The following ZFYVE28 variants were observed in gnomAD, a reference collection of about 807,000 sequenced individuals.
ZFYVE28 encodes the protein zinc finger FYVE-type containing 28, also known as lateral signaling target protein 2 homolog.
ZFYVE28 carries 40 observed loss-of-function variants against 82.1 expected under a neutral mutation model. That is an observed-to-expected ratio of 0.49 (90% CI 0.38 to 0.63). The LOEUF is 0.63. ZFYVE28 is among the 30% of genes least tolerant of loss of function. The pLI is 0.00. For synonymous variants in ZFYVE28, 612 were observed against 546.1 expected, an observed-to-expected ratio of 1.12 and a Z score of -1.68; for missense variants, 1,321 against 1,242.1, an observed-to-expected ratio of 1.06 and a Z score of -0.96.
In ZFYVE28 at chr4:2,339,711, G is replaced by T. The variant is rs1722458347; in HGVS notation, c.319-56C>A. On this transcript the variant is annotated intron_variant, in intron 3 of 12. Coordinates refer to ENST00000290974, the MANE Select transcript of ZFYVE28 (RefSeq NM_020972.3). The surrounding 1 kb of genome is among the most constrained non-coding windows in gnomAD (Gnocchi z 5.0). ...CCGGGTGAGGGCCAGGCTCTCAGGGGTCGCCGACCCGGGGAACCTGACTGC... is the reference window on the plus strand; with the variant it reads ...CCGGGTGAGGGCCAGGCTCTCAGGGTTCGCCGACCCGGGGAACCTGACTGC... The T allele has an allele frequency of 5.3e-6, 8 of 1,507,638 alleles. No individual in the cohort carries two copies. In the Admixed American group the frequency reaches 1.5e-4, roughly 28 times the overall value. 93.4% of individuals were successfully genotyped at this position (1,507,638 alleles called of 1,614,324 possible).
At chr4:2,326,454 C>T (rs933268102) in intron 6 of ZFYVE28, among the ~76,000 whole-genome samples, 1 of 152,136 alleles carries the variant, frequency 6.6e-6, no homozygotes. Context: ...CTTTGTAGTA[C>T]AGTTTAAAAT....
At chr4:2,310,196 G>A (rs937120443) in intron 7 of ZFYVE28, among the ~76,000 whole-genome samples, 1 of 151,908 alleles carries the variant, frequency 6.6e-6, no homozygotes, top group African/African-American at 2.4e-5. Flanking sequence ...GTACCACCAT[G>A]CTCAACTAAT....
intron 7 of ZFYVE28, among the ~76,000 whole-genome samples, chr4:2,318,111 G>A (rs573785771): frequency 6.6e-6 from 1 of 152,198 alleles, no homozygotes. Context: ...GAGCTTCTCT[G>A]CCTGGGAAGC....
chr4:2,392,641 A>G (rs572865441), intron 1 of ZFYVE28, among the ~76,000 whole-genome samples: 1 of 152,358 alleles, frequency 6.6e-6, no homozygotes, highest in African/African-American at 2.4e-5. Context: ...CTTAAATCAT[A>G]TTAAATTATT....
At position 2,355,252 on chromosome 4, in the gene ZFYVE28, ATATATATATATATATATAT is replaced by A. The variant is rs1268046125; in HGVS notation, c.40-1198_40-1180del. Among the ~76,000 whole-genome samples, 64 of 19,612 alleles carry A rather than the reference ATATATATATATATATATAT, an allele frequency of 3.3e-3. 9 individuals are homozygous for A. Among genetic ancestry groups the A allele is most frequent in the African/African-American group, 7.8e-3 (25 of 3,210 alleles). 12.9% of individuals were successfully genotyped at this position (19,612 alleles called of 152,430 possible). A position where few individuals can be genotyped will look rare whatever the true frequency, so the allele number is the denominator to read the frequency against. ...TATATATATATATATATATATATAT[ATATATATATATATATATAT>A]AATGATTCTTCTTTTTTTTTTTTTT... On this transcript the variant is annotated intron_variant, in intron 1 of 12. Transcript: ENST00000290974.
chr4:2,399,697 C>T (rs935501553), intron 1 of ZFYVE28, among the ~76,000 whole-genome samples: 2 of 152,250 alleles, frequency 1.3e-5, no homozygotes, highest in East Asian at 1.9e-4. Flanking sequence ...CGCCTGCCTC[C>T]CACCCAGCAA....
At chr4:2,314,791 CTTT>C (rs34058962) in intron 7 of ZFYVE28, among the ~76,000 whole-genome samples, 3 of 152,088 alleles carry the variant, frequency 2.0e-5, no homozygotes, top group African/African-American at 7.2e-5. Context: ...TCTTGCATTA[CTTT>C]TTTTAAGACA....
At chr4:2,356,914 T>C (rs1269051612) in intron 1 of ZFYVE28, among the ~76,000 whole-genome samples, 1 of 152,176 alleles carries the variant, frequency 6.6e-6, no homozygotes, top group Admixed American at 6.5e-5. Flanking sequence ...AGTCTCACTC[T>C]GCTGTCCAGG....
chr4:2,309,564 C>T (rs528449406), intron 7 of ZFYVE28, among the ~76,000 whole-genome samples: 2 of 150,852 alleles, frequency 1.3e-5, no homozygotes, highest in South Asian at 4.3e-4. Context: ...GGTACTTGAT[C>T]ACGTTATCTA....
rs1374566453 is a variant in ZFYVE28 at position 2,418,340 on chromosome 4, G to A, written c.-17C>T. On this transcript the variant is annotated 5_prime_UTR_variant, in exon 1 of 13. Coordinates refer to ENST00000290974, the MANE Select transcript of ZFYVE28 (RefSeq NM_020972.3). The surrounding 1 kb of genome is among the most constrained non-coding windows in gnomAD (Gnocchi z 4.6). ...GTTCATCATCGCCGCGCCGGCCCTG[G>A]CCGGACTCCGGGCGGCCCTCGCCCT... is the stretch of plus-strand genomic sequence containing the variant. 6.7e-7 allele frequency: 1 copy of A among 1,501,612 alleles called. No homozygotes were observed. The highest frequency in any genetic ancestry group is 8.9e-7 in the Non-Finnish European group (1 of 1,122,482). 93.0% of individuals were successfully genotyped at this position (1,501,612 alleles called of 1,614,324 possible). A position where few individuals can be genotyped will look rare whatever the true frequency, so the allele number is the denominator to read the frequency against.
intron 2 of ZFYVE28, among the ~76,000 whole-genome samples, chr4:2,353,601 C>T (rs1295521570): frequency 6.6e-6 from 1 of 152,088 alleles, no homozygotes; most frequent in Non-Finnish European, 1.5e-5. Context: ...TGCATGGTAC[C>T]CAAGCTCTGC....
In ZFYVE28 at chr4:2,304,732, G is replaced by C; in HGVS notation, c.1608C>G (p.Ala536=). Residue 536 remains alanine, a synonymous_variant, in exon 8 of 13, where the codon GCC becomes GCG. Transcript: ENST00000290974. ...SLDSAVATQE[A]ASEPVAEGMD... Reference sequence around the variant, plus strand: ...TCCCCTCGGCCACGGGCTCCGAGGCGGCCTCCTGGGTGGCGACCGCAGAGT... The same window carrying C: ...TCCCCTCGGCCACGGGCTCCGAGGCCGCCTCCTGGGTGGCGACCGCAGAGT... 1 of 1,612,682 alleles carries C rather than the reference G, an allele frequency of 6.2e-7. No homozygotes were observed. The highest frequency in any genetic ancestry group is 8.5e-7 in the Non-Finnish European group (1 of 1,179,952).
At chr4:2,399,691 T>G (rs1730963659) in intron 1 of ZFYVE28, among the ~76,000 whole-genome samples, 1 of 152,240 alleles carries the variant, frequency 6.6e-6, no homozygotes. Context: ...AGAAGCCGCC[T>G]GCCTCCCACC....
intron 2 of ZFYVE28, among the ~76,000 whole-genome samples, chr4:2,349,724 C>T (rs1320667497): frequency 6.8e-6 from 1 of 147,018 alleles, no homozygotes; most frequent in Non-Finnish European, 1.5e-5. Flanking sequence ...CAGTATTTAT[C>T]GAGTAAAAAA....
intron 1 of ZFYVE28, among the ~76,000 whole-genome samples, chr4:2,400,059 G>A (rs547880987): frequency 4.3e-4 from 66 of 152,364 alleles, no homozygotes; most frequent in Non-Finnish European, 2.4e-4. Flanking sequence ...TCCACATGGA[G>A]GGTCCTTCCC....
intron 6 of ZFYVE28, among the ~76,000 whole-genome samples, chr4:2,327,306 A>ATATC (rs1720032105): frequency 1.5e-5 from 1 of 64,984 alleles, no homozygotes; most frequent in South Asian, 5.0e-4. Context: ...ATATATATAT[A>ATATC]TATCGAATAA....
intron 1 of ZFYVE28, among the ~76,000 whole-genome samples, chr4:2,385,871 G>A (rs1205721542): frequency 2.0e-5 from 3 of 152,202 alleles, no homozygotes; most frequent in Non-Finnish European, 4.4e-5. Context: ...GGTTCTCCGG[G>A]AAGTTAAAAT....
intron 1 of ZFYVE28, among the ~76,000 whole-genome samples, chr4:2,370,867 C>A (rs1432825897): frequency 2.0e-5 from 3 of 152,228 alleles, no homozygotes; most frequent in Admixed American, 6.5e-5. Flanking sequence ...GGGCACCCAA[C>A]CCTGCCACGT....
chr4:2,346,181 A>T (rs1723535392), intron 2 of ZFYVE28, among the ~76,000 whole-genome samples: 1 of 150,290 alleles, frequency 6.7e-6, no homozygotes, highest in Non-Finnish European at 1.5e-5. Flanking sequence ...AAAAAAAAAA[A>T]AATACAAAAA....
Sources: gnomAD v4.1 joint callset for allele counts (sites outside exome capture counted in the v4.1 genomes callset) on GRCh38, gnomAD v4.1.1 for gene constraint, Gnocchi (gnomAD v3.1) non-coding constraint, MANE v1.5 for transcripts, NCBI Gene and HGNC (gene_info 2026-07-23, HGNC 2026-07-21) for gene names.